The following NDST3 variants were observed in gnomAD, a reference collection of about 807,000 sequenced individuals.
NDST3 encodes bifunctional heparan sulfate N-deacetylase/N-sulfotransferase 3.
In NDST3, 58 loss-of-function variants were observed where a neutral mutation model predicts 96.1. The observed-to-expected ratio is 0.60, with a 90% CI of 0.49 to 0.75. NDST3 has a LOEUF of 0.75. Among genes scored for constraint, NDST3 ranks in the 30% least tolerant of loss-of-function variants. The pLI, the probability that NDST3 is intolerant of heterozygous loss-of-function variation, is 0.00. For missense variants in NDST3, 788 were observed against 1,034.2 expected, an observed-to-expected ratio of 0.76 and a Z score of 3.27; for synonymous variants, 333 against 359.7, an observed-to-expected ratio of 0.93 and a Z score of 0.84.
At chr4:118,193,056 C>T (rs569587639) in intron 6 of NDST3, among the ~76,000 whole-genome samples, 13 of 152,256 alleles carry the variant, frequency 8.5e-5, no homozygotes, top group African/African-American at 2.9e-4. Flanking sequence ...CCTTCTCCAC[C>T]CTGGGTTCAT....
chr4:118,230,345 G>A (rs71608355), intron 8 of NDST3, among the ~76,000 whole-genome samples: 9,274 of 152,064 alleles, frequency 0.061, 379 homozygotes, highest in Non-Finnish European at 0.092. Flanking sequence ...AGGCCGAGGC[G>A]GGCAGATCAT....
intron 2 of NDST3, among the ~76,000 whole-genome samples, chr4:118,076,074 T>G (rs1189069128): frequency 1.3e-5 from 2 of 152,160 alleles, no homozygotes; most frequent in Non-Finnish European, 2.9e-5. Flanking sequence ...TTTGGCTGGA[T>G]ATGAGTTATT....
Position 118,054,806 on chromosome 4 carries a change from T to G in NDST3, c.896T>G (p.Leu299Trp). ...TTCTTATCAGGGAAGAGGCTGACATTGTCCTTGGACAGGTACATTCTTGTG... is the reference window on the plus strand; with the variant it reads ...TTCTTATCAGGGAAGAGGCTGACATGGTCCTTGGACAGGTACATTCTTGTG... ...ISFLSGKRLT[L>W]SLDRYILVDI... is the part of the protein sequence containing the mutation. Residue 299 changes from leucine to tryptophan, a missense_variant, in exon 2 of 14, where the codon TTG (leucine) becomes TGG (tryptophan). Physicochemically the swap from Leu to Trp is moderately conservative, Grantham distance 61. Coordinates refer to ENST00000296499, the MANE Select transcript of NDST3 (RefSeq NM_004784.3). The G allele has an allele frequency of 6.2e-7, 1 of 1,613,262 alleles. No individual in the cohort carries two copies. The highest frequency in any genetic ancestry group is 8.5e-7 in the Non-Finnish European group (1 of 1,179,374).
chr4:118,123,744 T>C (rs1049291592), intron 4 of NDST3, among the ~76,000 whole-genome samples: 2 of 152,094 alleles, frequency 1.3e-5, no homozygotes, highest in Admixed American at 1.3e-4. Context: ...ACTTCAAAAA[T>C]TCTGGAGGGA....
chr4:118,053,885 G>A lies in NDST3; in HGVS notation c.-26G>A. 6.4e-7 allele frequency: 1 copy of A among 1,552,424 alleles called. No homozygotes were observed. Among genetic ancestry groups the A allele is most frequent in the Non-Finnish European group, 8.7e-7 (1 of 1,151,478 alleles). On this transcript the variant is annotated 5_prime_UTR_variant, in exon 2 of 14. Transcript: ENST00000296499. Reference sequence around the variant, plus strand: ...TTAACTTTTTATGGTGCTTCTGTTGGCATAGTTGGGGAAAGCACCTACAAC... The same window carrying A: ...TTAACTTTTTATGGTGCTTCTGTTGACATAGTTGGGGAAAGCACCTACAAC...
intron 9 of NDST3, among the ~76,000 whole-genome samples, chr4:118,236,272 T>G (rs1740638123): frequency 6.6e-6 from 1 of 152,222 alleles, no homozygotes; most frequent in Non-Finnish European, 1.5e-5. Flanking sequence ...TTAGTTACAT[T>G]TGACAACTTT....
In NDST3 at chr4:118,257,540, T is replaced by G. The variant is rs1329677127; in HGVS notation, c.*1828T>G. On this transcript the variant is annotated 3_prime_UTR_variant, in exon 14 of 14. Coordinates refer to ENST00000296499, the MANE Select transcript of NDST3 (RefSeq NM_004784.3). Reference sequence around the variant, plus strand: ...TATAAAATATTATCAAAGGTATGATTAGAAACAAATGGGAGGAAAACCCAT... The same window carrying G: ...TATAAAATATTATCAAAGGTATGATGAGAAACAAATGGGAGGAAAACCCAT... The G allele has an allele frequency of 6.6e-6, 1 of 152,146 alleles. No homozygotes were observed. The highest frequency in any genetic ancestry group is 1.5e-5 in the Non-Finnish European group (1 of 68,020). 9.4% of individuals were successfully genotyped at this position (152,146 alleles called of 1,614,324 possible). A position where few individuals can be genotyped will look rare whatever the true frequency, so the allele number is the denominator to read the frequency against.
chr4:118,122,964 G>A (rs1219545633), intron 4 of NDST3, among the ~76,000 whole-genome samples: 1 of 152,172 alleles, frequency 6.6e-6, no homozygotes, highest in African/African-American at 2.4e-5. Flanking sequence ...CAAAGCCCAT[G>A]TAACAACCAT....
Position 118,054,388 on chromosome 4 carries a change from G to T in NDST3, c.478G>T (p.Gly160Cys). 6.2e-7 allele frequency: 1 copy of T among 1,612,762 alleles called. No homozygotes were observed. The highest frequency in any genetic ancestry group is 8.5e-7 in the Non-Finnish European group (1 of 1,179,346). The change falls in exon 2 of 14, where the codon GGT becomes TGT. Residue 160 changes from glycine (G) to cysteine (C), a missense_variant. Physicochemically the swap from Gly to Cys is radical, Grantham distance 159. Around this residue, in one of 3 missense-constraint regions of NDST3, gnomAD observed 234 missense variants for 256.9 expected, o/e 0.91. Transcript: ENST00000296499. ...TAAATACTGTGTAGAATATGGTGTG[G>T]GTGTCATTGGATTCCACAAAACTAG... The part of the protein sequence containing the change: ...LDKYCVEYGV[G>C]VIGFHKTSEK...
At chr4:118,230,196 T>G (rs1400635034) in intron 8 of NDST3, among the ~76,000 whole-genome samples, 1 of 152,342 alleles carries the variant, frequency 6.6e-6, no homozygotes, top group Non-Finnish European at 1.5e-5. Flanking sequence ...CAATAAATTT[T>G]AGATATTGCT....
chr4:118,161,298 G>C (rs1021935044), intron 6 of NDST3, among the ~76,000 whole-genome samples: 5 of 152,246 alleles, frequency 3.3e-5, no homozygotes, highest in Non-Finnish European at 7.3e-5. Flanking sequence ...ATGCCTCCCA[G>C]TTAGGCTGCT....
chr4:118,088,203 A>G (rs1719456462), intron 2 of NDST3, among the ~76,000 whole-genome samples: 1 of 152,114 alleles, frequency 6.6e-6, no homozygotes, highest in Non-Finnish European at 1.5e-5. Flanking sequence ...TAGCAATTAG[A>G]GAACTTTAAA....
intron 2 of NDST3, among the ~76,000 whole-genome samples, chr4:118,087,393 G>T (rs373040002): frequency 6.6e-6 from 1 of 152,078 alleles, no homozygotes; most frequent in African/African-American, 2.4e-5. Flanking sequence ...CTGATAAAAA[G>T]AATCCTGGAA....
At chr4:118,224,088 T>C (rs1739716895) in intron 6 of NDST3, among the ~76,000 whole-genome samples, 1 of 152,266 alleles carries the variant, frequency 6.6e-6, no homozygotes, top group Non-Finnish European at 1.5e-5. Context: ...CAATTTTATC[T>C]AGCCAAGCAT....
intron 4 of NDST3, among the ~76,000 whole-genome samples, chr4:118,131,683 T>C (rs1314855118): frequency 6.6e-6 from 1 of 152,168 alleles, no homozygotes; most frequent in Non-Finnish European, 1.5e-5. Context: ...GGGCATAGAA[T>C]AGTTAGGTAT....
chr4:118,080,442 G>A (rs1183212198), intron 2 of NDST3, among the ~76,000 whole-genome samples: 1 of 151,966 alleles, frequency 6.6e-6, no homozygotes, highest in East Asian at 1.9e-4. Context: ...TCATCCCTGG[G>A]GTATGTCACC....
At position 118,255,854 on chromosome 4, in the gene NDST3, A is replaced by G. The variant is rs1742090073; in HGVS notation, c.*142A>G. 3.0e-6 allele frequency: 3 copies of G among 993,112 alleles called. No individual in the cohort carries two copies. Among genetic ancestry groups the G allele is most frequent in the South Asian group, 2.2e-5 (1 of 45,794 alleles). The allele number at this position is 993,112 out of a possible 1,614,324, so 61.5% of individuals were successfully genotyped here. A position where few individuals can be genotyped will look rare whatever the true frequency, so the allele number is the denominator to read the frequency against. ...GTTTCTTCCATGTGCTGGCACGTGG[A>G]TGATTAGAAAAAAAGAAAAAGTATG... On this transcript the variant is annotated 3_prime_UTR_variant, in exon 14 of 14. Coordinates refer to ENST00000296499, the MANE Select transcript of NDST3 (RefSeq NM_004784.3).
At chr4:118,236,480 A>C (rs1010553342) in intron 9 of NDST3, among the ~76,000 whole-genome samples, 3 of 152,248 alleles carry the variant, frequency 2.0e-5, no homozygotes, top group African/African-American at 7.2e-5. Context: ...AAAGAGGAAC[A>C]TAAGTGGCTC....
At chr4:118,187,245 A>G (rs1014298604) in intron 6 of NDST3, among the ~76,000 whole-genome samples, 1 of 152,234 alleles carries the variant, frequency 6.6e-6, no homozygotes, top group Non-Finnish European at 1.5e-5. Flanking sequence ...GAGCAATTCA[A>G]TTATTTAGCA....
Sources: allele counts gnomAD v4.1 joint callset (sites outside exome capture counted in the v4.1 genomes callset), GRCh38; gene constraint gnomAD v4.1.1; regional missense constraint gnomAD v4.1.1; transcripts MANE v1.5; gene names NCBI Gene and HGNC (gene_info 2026-07-23, HGNC 2026-07-21).